The following CTNNA3 variants were observed in gnomAD, a reference collection of about 807,000 sequenced individuals.
CTNNA3 encodes the protein catenin alpha 3, also known as catenin alpha-3.
CTNNA3 carries 76 observed loss-of-function variants against 95.7 expected under a neutral mutation model. The ratio of observed to expected loss-of-function variants is 0.79; its 90% CI spans 0.66 to 0.96. The LOEUF (loss-of-function observed/expected upper bound fraction) is 0.96, where lower values mean the gene tolerates loss of function less well. CTNNA3 is among the 40% of genes least tolerant of loss of function. The pLI is 0.00. For synonymous variants in CTNNA3, 431 were observed against 374.4 expected (o/e 1.15, Z -1.74); for missense variants, 1,191 against 1,089.8 (o/e 1.09, Z -1.31).
chr10:66,464,541 T>C (rs1480617300), intron 11 of CTNNA3, among the ~76,000 whole-genome samples: 1 of 152,028 alleles, frequency 6.6e-6, no homozygotes, highest in African/African-American at 2.4e-5. Context: ...GATGGGTGGA[T>C]CACTAGAGGT....
chr10:67,266,368 A>G (rs1387795824), intron 5 of CTNNA3, among the ~76,000 whole-genome samples: 1 of 152,052 alleles, frequency 6.6e-6, no homozygotes, highest in East Asian at 1.9e-4. Flanking sequence ...GCTATTTGCT[A>G]TTGATTTCCT....
intron 11 of CTNNA3, among the ~76,000 whole-genome samples, chr10:66,499,571 A>T (rs865909968): frequency 6.6e-6 from 1 of 152,296 alleles, no homozygotes; most frequent in African/African-American, 2.4e-5. Context: ...GACAGGGAAA[A>T]TCAATTTTAA....
intron 10 of CTNNA3, among the ~76,000 whole-genome samples, chr10:66,543,042 C>A (rs71493981): frequency 6.6e-6 from 1 of 151,614 alleles, no homozygotes; most frequent in Non-Finnish European, 1.5e-5. Flanking sequence ...AAATAAACAC[C>A]ATATAGTAAA....
intron 11 of CTNNA3, among the ~76,000 whole-genome samples, chr10:66,446,023 C>G (rs934123852): frequency 6.6e-6 from 1 of 152,080 alleles, no homozygotes; most frequent in Non-Finnish European, 1.5e-5. Context: ...ATACAAACTA[C>G]CATCAGAGAA....
intron 1 of CTNNA3, among the ~76,000 whole-genome samples, chr10:67,653,040 T>C (rs1839921427): frequency 6.6e-6 from 1 of 152,204 alleles, no homozygotes; most frequent in Admixed American, 6.5e-5. Flanking sequence ...AGATATTTAA[T>C]TGGCTCATGG....
chr10:66,783,967 A>T (rs1237425757), intron 7 of CTNNA3, among the ~76,000 whole-genome samples: 2 of 152,164 alleles, frequency 1.3e-5, no homozygotes, highest in Non-Finnish European at 2.9e-5. Flanking sequence ...TTTGAATAAT[A>T]GACTGTCAAA....
At chr10:66,689,752 G>A (rs906741322) in intron 9 of CTNNA3, among the ~76,000 whole-genome samples, 8 of 152,054 alleles carry the variant, frequency 5.3e-5, no homozygotes, top group African/African-American at 1.7e-4. Context: ...TAACAAGACA[G>A]TAACTGCTGA....
At chr10:66,939,614 A>C (rs1260556906) in intron 7 of CTNNA3, among the ~76,000 whole-genome samples, 1 of 152,192 alleles carries the variant, frequency 6.6e-6, no homozygotes, top group African/African-American at 2.4e-5. Context: ...GTTGCATTTT[A>C]ATTACAATTT....
chr10:66,847,743 G>A lies in CTNNA3; in HGVS notation c.1048-72219C>T, dbSNP rs555167668. Among the ~76,000 whole-genome samples the A allele has an allele frequency of 3.3e-5, 5 of 152,226 alleles. No homozygotes were observed. The South Asian group carries it at 1.0e-3, about 32-fold the overall frequency. On this transcript the variant is annotated intron_variant, in intron 7 of 17. Coordinates refer to ENST00000433211, the MANE Select transcript of CTNNA3 (RefSeq NM_013266.4). ...GATATAAAAAGTGCTCAGTACATAT[G>A]TCCTGCATGTATAAATTTTATTTTG... is the stretch of plus-strand genomic sequence containing the variant.
chr10:66,924,918 T>C (rs567303525), intron 7 of CTNNA3, among the ~76,000 whole-genome samples: 1 of 152,258 alleles, frequency 6.6e-6, no homozygotes, highest in Admixed American at 6.5e-5. Context: ...GGAATCTAGG[T>C]GCCAAAATCT....
chr10:67,545,578 T>C (rs954918771), intron 3 of CTNNA3, among the ~76,000 whole-genome samples: 1 of 152,064 alleles, frequency 6.6e-6, no homozygotes, highest in Non-Finnish European at 1.5e-5. Context: ...AAGTTGGGTA[T>C]GGAAGGAAAA....
At chr10:67,424,055 C>T (rs1018360762) in intron 5 of CTNNA3, among the ~76,000 whole-genome samples, 4 of 152,242 alleles carry the variant, frequency 2.6e-5, no homozygotes, top group Non-Finnish European at 5.9e-5. Context: ...CCAGGACCTA[C>T]AAAATGTGGG....
At chr10:66,854,761 T>G (rs1843626457) in intron 7 of CTNNA3, among the ~76,000 whole-genome samples, 1 of 150,770 alleles carries the variant, frequency 6.6e-6, no homozygotes, top group Non-Finnish European at 1.5e-5. Flanking sequence ...TTTTTGTCCA[T>G]AGGCTTGGAT....
At chr10:66,009,491 G>T (rs2078963700) in intron 15 of CTNNA3, among the ~76,000 whole-genome samples, 1 of 151,974 alleles carries the variant, frequency 6.6e-6, no homozygotes, top group African/African-American at 2.4e-5. Context: ...TTAAATCCTG[G>T]GAAGGCTACA....
At chr10:66,428,806 G>C (rs1473668917) in intron 11 of CTNNA3, among the ~76,000 whole-genome samples, 2 of 151,888 alleles carry the variant, frequency 1.3e-5, no homozygotes, top group East Asian at 1.9e-4. Flanking sequence ...AAGCAGGAAA[G>C]ATCCAAAATT....
intron 5 of CTNNA3, among the ~76,000 whole-genome samples, chr10:67,332,404 T>A (rs1841827263): frequency 6.6e-6 from 1 of 152,180 alleles, no homozygotes; most frequent in Non-Finnish European, 1.5e-5. Flanking sequence ...TTGTTCCTCA[T>A]AACAGAGCTC....
At chr10:66,365,164 A>G (rs1047666581) in intron 12 of CTNNA3, among the ~76,000 whole-genome samples, 1 of 152,178 alleles carries the variant, frequency 6.6e-6, no homozygotes, top group Non-Finnish European at 1.5e-5. Flanking sequence ...GATTGGATTA[A>G]GAAAATGTGG....
intron 15 of CTNNA3, among the ~76,000 whole-genome samples, chr10:65,994,367 G>A (rs2078605131): frequency 6.6e-6 from 1 of 151,764 alleles, no homozygotes; most frequent in South Asian, 2.1e-4. Context: ...CTGGGAAAGA[G>A]TTTATTTCTT....
intron 12 of CTNNA3, among the ~76,000 whole-genome samples, chr10:66,336,268 G>C (rs1162706100): frequency 5.9e-5 from 9 of 152,040 alleles, no homozygotes; most frequent in African/African-American, 1.9e-4. Flanking sequence ...TCCCCAGTGA[G>C]ATGAACCTGG....
Sources: allele counts gnomAD v4.1 joint callset (sites outside exome capture counted in the v4.1 genomes callset), GRCh38; gene constraint gnomAD v4.1.1; transcripts MANE v1.5; gene names NCBI Gene and HGNC (gene_info 2026-07-23, HGNC 2026-07-21).